The following SORCS1 variants were observed in gnomAD, a reference collection of about 807,000 sequenced individuals.
The protein encoded by SORCS1 is VPS10 domain-containing receptor SorCS1.
Under a neutral mutation model 146.1 loss-of-function variants are expected in SORCS1, and 60 were observed. The ratio of observed to expected loss-of-function variants is 0.41; its 90% CI spans 0.33 to 0.51. SORCS1 has a LOEUF of 0.51. Among genes scored for constraint, SORCS1 ranks in the 20% least tolerant of loss-of-function variants. SORCS1 has a pLI of 0.21. For synonymous variants in SORCS1, 637 were observed against 584.0 expected, an observed-to-expected ratio of 1.09 and a Z score of -1.31; for missense variants, 1,352 against 1,487.6, an observed-to-expected ratio of 0.91 and a Z score of 1.50.
Position 107,028,672 on chromosome 10 carries a change from C to A in SORCS1, c.559-72092G>T, listed in dbSNP as rs1958513877. ...CTCAGGAACCCCTTCATAATTCAAT[C>A]AAGCACTGTTGTAGAAACCAACCAA... is the stretch of plus-strand genomic sequence containing the variant. On this transcript the variant is annotated intron_variant, in intron 1 of 25. Transcript: ENST00000263054. Among the ~76,000 whole-genome samples the A allele has an allele frequency of 2.0e-5, 3 of 152,178 alleles. No homozygotes were observed. In the South Asian group the frequency reaches 6.2e-4, roughly 32 times the overall value.
intron 3 of SORCS1, among the ~76,000 whole-genome samples, chr10:106,827,111 A>G (rs1948340057): frequency 6.6e-6 from 1 of 152,014 alleles, no homozygotes; most frequent in Non-Finnish European, 1.5e-5. Context: ...CTCACTCCTT[A>G]AGTCCTGCTC....
At chr10:107,084,202 T>C (rs1225634061) in intron 1 of SORCS1, among the ~76,000 whole-genome samples, 1 of 145,514 alleles carries the variant, frequency 6.9e-6, no homozygotes, top group African/African-American at 2.5e-5. Flanking sequence ...TTCACGCCAC[T>C]CTCCTGCCTC....
At chr10:106,602,721 T>C (rs1477250596) in intron 23 of SORCS1, among the ~76,000 whole-genome samples, 1 of 152,162 alleles carries the variant, frequency 6.6e-6, no homozygotes, top group Non-Finnish European at 1.5e-5. Context: ...ACCTCTTACC[T>C]CCTCCACTTT....
At chr10:106,954,210 C>T (rs1052160262) in intron 2 of SORCS1, among the ~76,000 whole-genome samples, 14 of 152,232 alleles carry the variant, frequency 9.2e-5, no homozygotes, top group Non-Finnish European at 1.9e-4. Context: ...CCCAGTGAGA[C>T]AAAACTGCAT....
chr10:106,759,155 C>T (rs566163700), intron 5 of SORCS1, among the ~76,000 whole-genome samples: 17 of 152,178 alleles, frequency 1.1e-4, no homozygotes, highest in East Asian at 3.9e-4. Context: ...CATATAAAAG[C>T]GAAAGAATTG....
At chr10:106,806,564 GGAGTGCAGTGGCAT>G (rs1947195337) in intron 3 of SORCS1, among the ~76,000 whole-genome samples, 1 of 122,902 alleles carries the variant, frequency 8.1e-6, no homozygotes, top group South Asian at 2.7e-4. Context: ...GGCCCAGGCT[GGAGTGCAGTGGCAT>G]GATCTCCGGT....
chr10:106,931,626 C>T (rs1292609333), intron 2 of SORCS1, among the ~76,000 whole-genome samples: 1 of 152,158 alleles, frequency 6.6e-6, no homozygotes, highest in Admixed American at 6.5e-5. Context: ...GGGAAAGCCC[C>T]CTGCAGTTTT....
rs138552943 is a variant in SORCS1, at chr10:106,618,533, T to G, written c.2797-261A>C. 5.1e-3 allele frequency among the ~76,000 whole-genome samples: 770 copies of G among 152,320 alleles called. 9 individuals carry two copies. The highest frequency in any genetic ancestry group is 0.017 in the African/African-American group (719 of 41,564). ...CCTGATTCAGGGCTGGGGAGATGGA[T>G]AGGTCTTGCTTGCTGGTGGAATGTA... is the stretch of plus-strand genomic sequence containing the variant. On this transcript the variant is annotated intron_variant, in intron 20 of 25. Transcript: ENST00000263054.
chr10:106,900,373 T>C (rs563989847), intron 2 of SORCS1, among the ~76,000 whole-genome samples: 7 of 152,314 alleles, frequency 4.6e-5, no homozygotes, highest in African/African-American at 1.4e-4. Context: ...TGTCCACTTA[T>C]ATCCTATTAA....
chr10:106,784,918 A>G (rs1468728959), intron 3 of SORCS1, among the ~76,000 whole-genome samples: 1 of 152,216 alleles, frequency 6.6e-6, no homozygotes, highest in African/African-American at 2.4e-5. Flanking sequence ...TAGAGTTTGA[A>G]TAAGTGTCAA....
At chr10:107,166,656 T>C (rs1371126616), upstream of SORCS1, among the ~76,000 whole-genome samples, 2 of 152,262 alleles carry the variant, frequency 1.3e-5, no homozygotes, top group African/African-American at 4.8e-5. Flanking sequence ...TAGTTTTTTC[T>C]TTCCTCAGAA....
chr10:106,716,854 G>C (rs1397748407), intron 6 of SORCS1, among the ~76,000 whole-genome samples: 1 of 152,074 alleles, frequency 6.6e-6, no homozygotes, highest in Non-Finnish European at 1.5e-5. Flanking sequence ...TTAAAATCCA[G>C]GCCGGGCTCG....
rs1947635061 is a variant in SORCS1, at chr10:106,814,592, T to C, written c.726+14982A>G. 2.0e-5 allele frequency among the ~76,000 whole-genome samples: 3 copies of C among 152,292 alleles called. 1 individual carries two copies. Among genetic ancestry groups the C allele is most frequent in the African/African-American group, 7.2e-5 (3 of 41,588 alleles). On this transcript the variant is annotated intron_variant, in intron 3 of 25. Coordinates refer to ENST00000263054, the MANE Select transcript of SORCS1 (RefSeq NM_052918.5). ...ATTCATACTCACAGTTCTGTAATCA[T>C]TCTGAAAATATACTATGTTGTAAAT... is the stretch of plus-strand genomic sequence containing the variant.
chr10:107,065,531 T>TCTTG, intron 1 of SORCS1, among the ~76,000 whole-genome samples: 1 of 143,722 alleles, frequency 7.0e-6, no homozygotes, highest in Non-Finnish European at 1.5e-5. Flanking sequence ...TTTCTTTCTT[T>TCTTG]CTCTTTCTTA....
chr10:106,654,329 C>T (rs1850112968), intron 17 of SORCS1, among the ~76,000 whole-genome samples: 1 of 152,160 alleles, frequency 6.6e-6, no homozygotes, highest in Non-Finnish European at 1.5e-5. Context: ...TCATAGGTGT[C>T]AACTAGTTTT....
At chr10:106,615,455 A>T (rs1564780412) in intron 21 of SORCS1, among the ~76,000 whole-genome samples, 1 of 152,134 alleles carries the variant, frequency 6.6e-6, no homozygotes, top group Non-Finnish European at 1.5e-5. Context: ...GCTGGGTTCA[A>T]TCTTTCCTGT....
chr10:106,944,412 G>A (rs1235638073), intron 2 of SORCS1, among the ~76,000 whole-genome samples: 1 of 152,104 alleles, frequency 6.6e-6, no homozygotes, highest in Non-Finnish European at 1.5e-5. Context: ...TCCCTTACTA[G>A]TCTAATTCCT....
chr10:107,000,398 G>A (rs925889797), intron 1 of SORCS1, among the ~76,000 whole-genome samples: 2 of 151,118 alleles, frequency 1.3e-5, no homozygotes, highest in Non-Finnish European at 2.9e-5. Context: ...AGGAGATCGA[G>A]ATCATCCTGG....
chr10:106,925,671 A>C (rs1439791980), intron 2 of SORCS1, among the ~76,000 whole-genome samples: 1 of 152,230 alleles, frequency 6.6e-6, no homozygotes, highest in Non-Finnish European at 1.5e-5. Flanking sequence ...TAGATAACCT[A>C]AAATTTGTTC....
Sources: gnomAD v4.1 joint callset for allele counts (sites outside exome capture counted in the v4.1 genomes callset) on GRCh38, gnomAD v4.1.1 for gene constraint, MANE v1.5 for transcripts, NCBI Gene and HGNC (gene_info 2026-07-23, HGNC 2026-07-21) for gene names.